The following FUBP1 variants were observed in gnomAD, a reference collection of about 807,000 sequenced individuals.
FUBP1 encodes the protein far upstream element-binding protein 1.
In FUBP1, 16 loss-of-function variants were observed where a neutral mutation model predicts 94.9. The ratio of observed to expected loss-of-function variants is 0.17; its 90% CI spans 0.11 to 0.26. The LOEUF (loss-of-function observed/expected upper bound fraction) is 0.26, where lower values mean the gene tolerates loss of function less well. Among genes scored for constraint, FUBP1 ranks in the 10% least tolerant of loss-of-function variants. The pLI, the probability that FUBP1 is intolerant of heterozygous loss-of-function variation, is 1.00. For missense variants in FUBP1, 583 were observed against 808.6 expected (o/e 0.72, Z 3.38); for synonymous variants, 279 against 254.9 (o/e 1.09, Z -0.90).
intron 1 of FUBP1, among the ~76,000 whole-genome samples, chr1:77,977,214 G>GA (rs200931704): frequency 3.1e-4 from 47 of 151,600 alleles, no homozygotes; most frequent in Admixed American, 2.6e-3. Context: ...ACAAACAAAC[G>GA]AAAAAAAACA....
At chr1:77,949,081 C>A in intron 19 of FUBP1, 74 bp downstream of exon 19, 2 of 1,384,380 alleles carry the variant, frequency 1.4e-6, no homozygotes, top group Non-Finnish European at 2.0e-6. Context: ...GGCAAACACT[C>A]CCAAACAGAC....
At position 77,970,546 on chromosome 1, in the gene FUBP1, G is replaced by A. The variant is rs576620449; in HGVS notation, c.121-531C>T. ...TTTTATATTAAGCACATGCAAAGGGGGTAATATTTTGGATATGCTGGGTTA... is the reference window on the plus strand; with the variant it reads ...TTTTATATTAAGCACATGCAAAGGGAGTAATATTTTGGATATGCTGGGTTA... On this transcript the variant is annotated intron_variant, in intron 1 of 19. Transcript: ENST00000370768. 1.1e-3 allele frequency among the ~76,000 whole-genome samples: 161 copies of A among 152,122 alleles called. 1 individual carries two copies. The highest frequency in any genetic ancestry group is 3.7e-3 in the African/African-American group (155 of 41,486).
chr1:77,946,795 AG>A lies in FUBP1; in HGVS notation c.*1970del, dbSNP rs1199934031. 1.6e-4 allele frequency: 33 copies of A among 205,542 alleles called. No homozygotes were observed. The highest frequency in any genetic ancestry group is 7.3e-4 in the African/African-American group (32 of 43,830). 12.7% of individuals were successfully genotyped at this position (205,542 alleles called of 1,614,324 possible). ...GTTCACGTCAATACCCTACTCTTAA[AG>A]ATAACAAATAGCTAACTCCTTAACT... On this transcript the variant is annotated 3_prime_UTR_variant, in exon 20 of 20. Transcript: ENST00000370768.
At chr1:77,956,001 G>A (rs1466271550) in intron 17 of FUBP1, among the ~76,000 whole-genome samples, 1 of 152,168 alleles carries the variant, frequency 6.6e-6, no homozygotes, top group South Asian at 2.1e-4. Context: ...AAGGATATAG[G>A]CACCACCCTG....
chr1:77,973,754 C>T (rs1210254483), intron 1 of FUBP1, among the ~76,000 whole-genome samples: 2 of 152,216 alleles, frequency 1.3e-5, no homozygotes, highest in East Asian at 3.9e-4. Flanking sequence ...TCAGTTTTTG[C>T]TCTTCACGGT....
chr1:77,945,214 T>A lies in FUBP1; in HGVS notation c.*3552A>T, dbSNP rs982819846. Among the ~76,000 whole-genome samples, 1 of 151,896 alleles carries A rather than the reference T, an allele frequency of 6.6e-6. No homozygotes were observed. The highest frequency in any genetic ancestry group is 6.6e-5 in the Admixed American group (1 of 15,236). ...TCATCAATCTATCTGTATTTTTTTT[T>A]ATAAAAATGCAATCTACAACTAACC... On this transcript the variant is annotated 3_prime_UTR_variant, in exon 20 of 20. Coordinates refer to ENST00000370768, the MANE Select transcript of FUBP1 (RefSeq NM_003902.5).
In FUBP1 at chr1:77,947,024, C is replaced by T. The variant is rs1285244142; in HGVS notation, c.*1742G>A. The T allele has an allele frequency of 9.6e-6, 2 of 208,776 alleles. No homozygotes were observed. Among genetic ancestry groups the T allele is most frequent in the African/African-American group, 4.5e-5 (2 of 43,976 alleles). The allele number at this position is 208,776 out of a possible 1,614,324, so 12.9% of individuals were successfully genotyped here. ...TCAAAACAACAAATGGTGCTCTCCA[C>T]CAATGACAAAATATATATTTATGAA... On this transcript the variant is annotated 3_prime_UTR_variant, in exon 20 of 20. Coordinates refer to ENST00000370768, the MANE Select transcript of FUBP1 (RefSeq NM_003902.5).
At chr1:77,949,046 T>C (rs887954219) in intron 19 of FUBP1, 109 bp downstream of exon 19, 11 of 1,082,816 alleles carry the variant, frequency 1.0e-5, no homozygotes, top group African/African-American at 3.2e-5. Flanking sequence ...ATAGTTATTA[T>C]ACTTTGCCAG....
Position 77,965,068 on chromosome 1 carries a change from C to T in FUBP1, c.636+1G>A. The T allele has an allele frequency of 6.2e-7, 1 of 1,610,654 alleles. No individual in the cohort carries two copies. Among genetic ancestry groups the T allele is most frequent in the Non-Finnish European group, 8.5e-7 (1 of 1,177,188 alleles). On this transcript the variant is annotated splice_donor_variant, in intron 8 of 19. Transcript: ENST00000370768. LOFTEE classifies it high-confidence loss of function. ...TAGCCATTTCACAAAAATAACAATACCTGAAGCTGTTTAATAGTTTCTCCC... is the reference window on the plus strand; with the variant it reads ...TAGCCATTTCACAAAAATAACAATATCTGAAGCTGTTTAATAGTTTCTCCC...
chr1:77,965,552 C>T (rs1656312445), intron 7 of FUBP1, among the ~76,000 whole-genome samples: 1 of 152,160 alleles, frequency 6.6e-6, no homozygotes, highest in Non-Finnish European at 1.5e-5. Flanking sequence ...GATTTATTTA[C>T]ATTTTTAAAC....
At chr1:77,954,007 C>T (rs989755283) in intron 18 of FUBP1, among the ~76,000 whole-genome samples, 12 of 152,112 alleles carry the variant, frequency 7.9e-5, no homozygotes, top group African/African-American at 2.9e-4. Context: ...TTAACCCAAA[C>T]ACGTGACCAG....
chr1:77,963,700 C>T lies in FUBP1; in HGVS notation c.1057G>A (p.Gly353Arg), dbSNP rs763773228. 1 of 1,611,806 alleles carries T rather than the reference C, an allele frequency of 6.2e-7. No homozygotes were observed. Among genetic ancestry groups the T allele is most frequent in the Admixed American group, 1.7e-5 (1 of 59,828 alleles). Residue 353 changes from glycine to arginine, a missense_variant, in exon 13 of 20, where the codon GGA becomes AGA. Coordinates refer to ENST00000370768, the MANE Select transcript of FUBP1 (RefSeq NM_003902.5). ...LRSVQAGNPG[G>R]PGPGGRGRGR... ...CTTCCTCGACCACCAGGTCCAGGTCCACCAGGATTACCAGCCTATAGAGAG... is the reference window on the plus strand; with the variant it reads ...CTTCCTCGACCACCAGGTCCAGGTCTACCAGGATTACCAGCCTATAGAGAG...
intron 16 of FUBP1, among the ~76,000 whole-genome samples, chr1:77,957,530 A>G (rs1654689858): frequency 1.3e-5 from 2 of 152,186 alleles, no homozygotes; most frequent in South Asian, 2.1e-4. Context: ...AGACCTTTCA[A>G]TCTTCTAGAA....
chr1:77,973,063 T>C (rs1657890427), intron 1 of FUBP1, among the ~76,000 whole-genome samples: 9 of 151,568 alleles, frequency 5.9e-5, no homozygotes. Flanking sequence ...ATTTGATAAT[T>C]TTCTAAGATC....
intron 1 of FUBP1, among the ~76,000 whole-genome samples, chr1:77,977,398 C>A (rs1318833053): frequency 6.6e-6 from 1 of 152,040 alleles, no homozygotes; most frequent in Non-Finnish European, 1.5e-5. Context: ...TGGTGGCGGG[C>A]GCCTGTAATC....
chr1:77,949,567 C>T (rs1039161911), intron 18 of FUBP1, among the ~76,000 whole-genome samples: 2 of 151,732 alleles, frequency 1.3e-5, no homozygotes, highest in South Asian at 4.1e-4. Flanking sequence ...CAGGAAACTA[C>T]TCTGCAATTA....
chr1:77,958,052 G>A (rs548856339), intron 16 of FUBP1, among the ~76,000 whole-genome samples: 125 of 152,122 alleles, frequency 8.2e-4, no homozygotes, highest in Middle Eastern at 3.4e-3. Flanking sequence ...TCAGCCTTCC[G>A]AAGTGCTAGC....
chr1:77,951,174 T>G (rs1188884532), intron 18 of FUBP1, among the ~76,000 whole-genome samples: 1 of 152,216 alleles, frequency 6.6e-6, no homozygotes, highest in Non-Finnish European at 1.5e-5. Flanking sequence ...CTTCAGGTTT[T>G]AAACCCCATT....
At position 77,960,575 on chromosome 1, in the gene FUBP1, T is replaced by C. The variant is rs1378463692; in HGVS notation, c.1345-80A>G. Reference sequence around the variant, plus strand: ...AACTCTACGGCCAAATAATCATCCATTTCTACCCTCTTATAGTCACAAATA... The same window carrying C: ...AACTCTACGGCCAAATAATCATCCACTTCTACCCTCTTATAGTCACAAATA... On this transcript the variant is annotated intron_variant, in intron 14 of 19. Transcript: ENST00000370768. 1.6e-5 allele frequency: 19 copies of C among 1,165,484 alleles called. No homozygotes were observed. The East Asian group carries it at 2.4e-4, about 15-fold the overall frequency. The allele number at this position is 1,165,484 out of a possible 1,614,324, so 72.2% of individuals were successfully genotyped here.
Sources: gnomAD v4.1 joint callset for allele counts (sites outside exome capture counted in the v4.1 genomes callset) on GRCh38, gnomAD v4.1.1 for gene constraint, MANE v1.5 for transcripts, NCBI Gene and HGNC (gene_info 2026-07-23, HGNC 2026-07-21) for gene names.